The following DDX31 variants were observed in gnomAD, a reference collection of about 807,000 sequenced individuals.
DDX31 encodes the protein DEAD-box helicase 31, also known as ATP-dependent DNA helicase DDX31.
Under a neutral mutation model 91.3 loss-of-function variants are expected in DDX31, and 70 were observed. The observed-to-expected ratio is 0.77, with a 90% CI of 0.63 to 0.94. DDX31 has a LOEUF of 0.94. Ranked by LOEUF, DDX31 falls within the 40% of genes least tolerant of loss-of-function variation. DDX31 has a pLI of 0.00. For missense variants in DDX31, 902 were observed against 925.0 expected (o/e 0.98, Z 0.32); for synonymous variants, 362 against 350.6 (o/e 1.03, Z -0.36).
chr9:132,612,250 G>A lies in DDX31; in HGVS notation c.1831C>T (p.Gln611Ter). Reference protein sequence around the residue: ...RRVSWAKKALQSFIQAYATYP... With the variant: ...RRVSWAKKAL Reference sequence around the variant, plus strand: ...GTGGCGTAGGCTTGGATGAAGGACTGCAGAGCTGAAAGAAAAGAGAGCGGG... The same window carrying A: ...GTGGCGTAGGCTTGGATGAAGGACTACAGAGCTGAAAGAAAAGAGAGCGGG... Residue 611 changes from glutamine to a stop codon, truncating the protein, a stop_gained, in exon 19 of 20, where the codon CAG (glutamine) becomes TAG (stop). Coordinates refer to ENST00000372159, the MANE Select transcript of DDX31 (RefSeq NM_022779.9). LOFTEE classifies it high-confidence loss of function. 2 of 1,614,212 alleles carry A rather than the reference G, an allele frequency of 1.2e-6. No individual in the cohort carries two copies. The highest frequency in any genetic ancestry group is 1.7e-6 in the Non-Finnish European group (2 of 1,180,030).
rs571263464 is a variant in DDX31 at position 132,614,433 on chromosome 9, G to A, written c.1826-2178C>T. ...TCAGAGGGAAAGGCTCTACTGCTAC[G>A]CGACCCAGGAGATTCAAGCCTCTTC... On this transcript the variant is annotated intron_variant, in intron 18 of 19. Coordinates refer to ENST00000372159, the MANE Select transcript of DDX31 (RefSeq NM_022779.9). 2.0e-5 allele frequency among the ~76,000 whole-genome samples: 3 copies of A among 151,174 alleles called. No homozygotes were observed. The East Asian group carries it at 5.8e-4, about 29-fold the overall frequency.
At chr9:132,656,747 G>A (rs1304277428) in intron 6 of DDX31, among the ~76,000 whole-genome samples, 2 of 152,186 alleles carry the variant, frequency 1.3e-5, no homozygotes, top group Admixed American at 6.5e-5. Context: ...AACTGTATAA[G>A]CCATTCCAGC....
chr9:132,660,945 C>T (rs1834896715), intron 4 of DDX31: 2 of 463,992 alleles, frequency 4.3e-6, no homozygotes, highest in Non-Finnish European at 3.8e-6. Context: ...GCACAGAAAA[C>T]AGCGGCGCTC....
At chr9:132,667,022 T>C (rs1835358192) in intron 1 of DDX31, among the ~76,000 whole-genome samples, 2 of 151,848 alleles carry the variant, frequency 1.3e-5, no homozygotes, top group African/African-American at 4.8e-5. Flanking sequence ...CTTTTTTTTG[T>C]ATTTTTAGTA....
intron 1 of DDX31, 66 bp from the exon 2 acceptor site, chr9:132,662,761 T>C (rs1026856862): frequency 3.8e-6 from 6 of 1,598,096 alleles, no homozygotes; most frequent in Admixed American, 1.7e-5. Flanking sequence ...GAGCTCGGAG[T>C]GAAGCCTGAC....
At chr9:132,668,653 C>T (rs1001373137) in intron 1 of DDX31, among the ~76,000 whole-genome samples, 12 of 151,654 alleles carry the variant, frequency 7.9e-5, no homozygotes, top group Non-Finnish European at 1.5e-4. Context: ...CTGCAAGCTC[C>T]GCCTCCTGGG....
At chr9:132,607,194 T>TC (rs1831076036) in intron 19 of DDX31, among the ~76,000 whole-genome samples, 1 of 152,122 alleles carries the variant, frequency 6.6e-6, no homozygotes, top group African/African-American at 2.4e-5. Flanking sequence ...TGGTCCCACT[T>TC]CCCCTCTTCC....
At chr9:132,630,015 A>T (rs188222628) in intron 16 of DDX31, among the ~76,000 whole-genome samples, 83 of 152,368 alleles carry the variant, frequency 5.4e-4, no homozygotes, top group African/African-American at 1.8e-3. Context: ...GAGAAACGAA[A>T]CGCAGCTCTC....
At chr9:132,608,128 TCA>T (rs1831123953) in intron 19 of DDX31, among the ~76,000 whole-genome samples, 1 of 152,156 alleles carries the variant, frequency 6.6e-6, no homozygotes, top group African/African-American at 2.4e-5. Context: ...GAACTGCATT[TCA>T]CGGAAGGGAA....
chr9:132,626,636 CTCTTT>C (rs1040098534), intron 16 of DDX31, among the ~76,000 whole-genome samples: 2 of 151,396 alleles, frequency 1.3e-5, no homozygotes, highest in African/African-American at 4.9e-5. Flanking sequence ...TTGTTGTATG[CTCTTT>C]TTTTTTTTTG....
chr9:132,664,733 A>AC (rs1835203151), intron 1 of DDX31, among the ~76,000 whole-genome samples: 1 of 151,102 alleles, frequency 6.6e-6, no homozygotes, highest in Non-Finnish European at 1.5e-5. Context: ...AAAAAAAAAA[A>AC]AAAACTGTAA....
chr9:132,645,450 A>G (rs1193129069), intron 13 of DDX31, among the ~76,000 whole-genome samples: 3 of 152,234 alleles, frequency 2.0e-5, no homozygotes, highest in Non-Finnish European at 4.4e-5. Context: ...AGCCGTGCTC[A>G]GCAGTACCAT....
chr9:132,653,378 C>T (rs1367090188), intron 6 of DDX31, among the ~76,000 whole-genome samples: 1 of 151,156 alleles, frequency 6.6e-6, no homozygotes, highest in African/African-American at 2.4e-5. Context: ...CCTGTAATCC[C>T]AGCTCTTCGG....
chr9:132,628,047 T>A (rs1373540015), intron 16 of DDX31, among the ~76,000 whole-genome samples: 2 of 152,242 alleles, frequency 1.3e-5, no homozygotes, highest in Non-Finnish European at 2.9e-5. Flanking sequence ...CTGTTTTGCA[T>A]TAAGTCAAAG....
intron 19 of DDX31, among the ~76,000 whole-genome samples, chr9:132,608,390 G>A (rs1314261495): frequency 6.6e-6 from 1 of 152,088 alleles, no homozygotes; most frequent in African/African-American, 2.4e-5. Context: ...TCTCATTTGG[G>A]GCCACGAACT....
intron 19 of DDX31, among the ~76,000 whole-genome samples, chr9:132,607,395 G>A (rs141678361): frequency 6.6e-6 from 1 of 152,340 alleles, no homozygotes; most frequent in Non-Finnish European, 1.5e-5. Context: ...TCAGATTGCT[G>A]TTTAGTAATT....
intron 3 of DDX31, among the ~76,000 whole-genome samples, chr9:132,661,620 C>T (rs184647182): frequency 6.6e-6 from 1 of 152,156 alleles, no homozygotes; most frequent in Non-Finnish European, 1.5e-5. Context: ...ATCCACCCCC[C>T]AGGTGAGAAA....
At chr9:132,635,736 A>G (rs1348460671) in intron 14 of DDX31, among the ~76,000 whole-genome samples, 1 of 151,952 alleles carries the variant, frequency 6.6e-6, no homozygotes, top group African/African-American at 2.4e-5. Flanking sequence ...ACCTGAGGTC[A>G]GGAGTTCGAG....
chr9:132,597,863 T>C (rs560334191), intron 19 of DDX31, among the ~76,000 whole-genome samples: 2 of 152,282 alleles, frequency 1.3e-5, no homozygotes, highest in South Asian at 2.1e-4. Flanking sequence ...GGTGCGTACA[T>C]TGCGCCACTG....
Sources: allele counts gnomAD v4.1 joint callset (sites outside exome capture counted in the v4.1 genomes callset), GRCh38; gene constraint gnomAD v4.1.1; transcripts MANE v1.5; gene names NCBI Gene and HGNC (gene_info 2026-07-23, HGNC 2026-07-21).